Variants in TRPM3 observed in about 807,000 individuals in gnomAD.
The protein encoded by TRPM3 is long transient receptor potential channel 3.
In TRPM3, 77 loss-of-function variants were observed where a neutral mutation model predicts 181.2. That is an observed-to-expected ratio of 0.42 (90% confidence interval 0.35 to 0.51). The LOEUF (loss-of-function observed/expected upper bound fraction) is 0.51. Ranked by LOEUF, TRPM3 falls within the 20% of genes least tolerant of loss-of-function variation. The pLI is 0.01. For synonymous variants in TRPM3, 745 were observed against 796.4 expected, an observed-to-expected ratio of 0.94 and a Z score of 1.09; for missense variants, 1,759 against 2,196.7, an observed-to-expected ratio of 0.80 and a Z score of 3.98.
intron 1 of TRPM3, among the ~76,000 whole-genome samples, chr9:71,137,011 C>G (rs1334959681): frequency 6.6e-6 from 1 of 152,130 alleles, no homozygotes; most frequent in Non-Finnish European, 1.5e-5. Flanking sequence ...TAAAATGACT[C>G]TAGCATCTGT....
At chr9:70,578,919 G>T (rs1564409125) in intron 22 of TRPM3, among the ~76,000 whole-genome samples, 1 of 152,180 alleles carries the variant, frequency 6.6e-6, no homozygotes, top group Non-Finnish European at 1.5e-5. Context: ...CTAGATGTTA[G>T]TAGCGCCCCC....
chr9:71,391,392 G>GA (rs1554889496), intron 1 of TRPM3, among the ~76,000 whole-genome samples: 3 of 151,918 alleles, frequency 2.0e-5, no homozygotes, highest in Non-Finnish European at 1.5e-5. Context: ...TTCTTTCTAT[G>GA]AAAAAATCGC....
intron 8 of TRPM3, among the ~76,000 whole-genome samples, chr9:70,694,638 G>A (rs375816419): frequency 2.0e-5 from 3 of 152,086 alleles, no homozygotes; most frequent in Admixed American, 6.5e-5. Flanking sequence ...CCGCCACCAC[G>A]CCCGGCTAAT....
chr9:70,547,367 C>T (rs1364820500), intron 25 of TRPM3, among the ~76,000 whole-genome samples: 1 of 151,862 alleles, frequency 6.6e-6, no homozygotes, highest in Non-Finnish European at 1.5e-5. Context: ...GTGATTTCAC[C>T]TGCCACTCCA....
At chr9:70,983,182 C>T (rs2097381251) in intron 1 of TRPM3, among the ~76,000 whole-genome samples, 1 of 152,126 alleles carries the variant, frequency 6.6e-6, no homozygotes, top group South Asian at 2.1e-4. Context: ...CCTCTCTTCT[C>T]TTGATGTTCA....
At position 70,625,072 on chromosome 9, in the gene TRPM3, G is replaced by A. The variant is rs2064300601; in HGVS notation, c.1809+119C>T. The A allele has an allele frequency of 2.7e-6, 3 of 1,094,530 alleles. No individual in the cohort carries two copies. The highest frequency in any genetic ancestry group is 3.8e-6 in the Non-Finnish European group (3 of 783,090). 67.8% of individuals were successfully genotyped at this position (1,094,530 alleles called of 1,614,324 possible). On this transcript the variant is annotated intron_variant, in intron 14 of 25. Transcript: ENST00000677713. This position sits in a 1 kb window ranked among gnomAD's most constrained non-coding sequence, Gnocchi z 4.8. ...TTCATTACTTTTCTTTGATTGTTTA[G>A]GTTCACTCTCAGCGCAATTTTCTGA...
chr9:71,275,506 A>C (rs187828985), intron 1 of TRPM3, among the ~76,000 whole-genome samples: 189 of 152,114 alleles, frequency 1.2e-3, no homozygotes, highest in African/African-American at 4.2e-3. Flanking sequence ...GTGTGTGCAC[A>C]TGTATGTGTG....
intron 1 of TRPM3, among the ~76,000 whole-genome samples, chr9:71,173,264 A>T (rs10868967): frequency 0.4 from 61,437 of 151,898 alleles, 12,728 homozygotes; most frequent in East Asian, 0.52. Flanking sequence ...TACATTATAT[A>T]ATTATATATA....
At position 70,553,250 on chromosome 9, in the gene TRPM3, T is replaced by C. The variant is rs929984630; in HGVS notation, c.3284A>G (p.Lys1095Arg). ...GGCCGGCACGATCCAAGCTCCTGTCTTGCAGGGAGGCAGCTGGATTATTTT... is the reference window on the plus strand; with the variant it reads ...GGCCGGCACGATCCAAGCTCCTGTCCTGCAGGGAGGCAGCTGGATTATTTT... Reference protein sequence around the residue: ...DGKIIQLPPCKTGAWIVPAIM... With the variant: ...DGKIIQLPPCRTGAWIVPAIM... Residue 1095 changes from lysine (K) to arginine (R), a missense_variant, in exon 23 of 26, where the codon AAG becomes AGG. This residue lies in a region of TRPM3 where 94 missense variants were observed against 221.3 expected (regional missense o/e 0.42). Transcript: ENST00000677713. The C allele has an allele frequency of 1.9e-6, 3 of 1,614,162 alleles. No individual in the cohort carries two copies. In the East Asian group the frequency reaches 6.7e-5, roughly 36 times the overall value.
chr9:71,349,399 G>T (rs186161551), intron 1 of TRPM3, among the ~76,000 whole-genome samples: 1 of 152,282 alleles, frequency 6.6e-6, no homozygotes, highest in African/African-American at 2.4e-5. Flanking sequence ...TACATTTTTA[G>T]AGGCTTCATC....
At position 70,808,965 on chromosome 9, in the gene TRPM3, A is replaced by G. The variant is rs74914668; in HGVS notation, c.973+18882T>C. ...CCACAAATACAATGGTGGTCCCATA[A>G]GGTAGTAATAGAGCTGAAAAAGTCC... On this transcript the variant is annotated intron_variant, in intron 6 of 25. Coordinates refer to ENST00000677713, the MANE Select transcript of TRPM3 (RefSeq NM_001366145.2). Among the ~76,000 whole-genome samples, 1,063 of 152,318 alleles carry G rather than the reference A, an allele frequency of 7.0e-3. 14 individuals carry two copies. The highest frequency in any genetic ancestry group is 0.023 in the African/African-American group (972 of 41,584).
At chr9:71,294,680 G>A (rs181369938) in intron 1 of TRPM3, among the ~76,000 whole-genome samples, 1 of 152,146 alleles carries the variant, frequency 6.6e-6, no homozygotes, top group East Asian at 1.9e-4. Context: ...GGAGACATGA[G>A]AAAATGTCCA....
At chr9:71,001,905 A>T (rs2097607154) in intron 1 of TRPM3, among the ~76,000 whole-genome samples, 1 of 152,234 alleles carries the variant, frequency 6.6e-6, no homozygotes, top group South Asian at 2.1e-4. Context: ...AGTTTTATAT[A>T]ACCCAAGGAA....
At chr9:71,086,231 AAACT>A in intron 1 of TRPM3, among the ~76,000 whole-genome samples, 1 of 152,070 alleles carries the variant, frequency 6.6e-6, no homozygotes, top group South Asian at 2.1e-4. Flanking sequence ...AAGGTTTGAA[AAACT>A]AACTATTGGG....
chr9:70,824,051 T>G (rs1320356584), intron 6 of TRPM3, among the ~76,000 whole-genome samples: 5 of 152,184 alleles, frequency 3.3e-5, no homozygotes. Flanking sequence ...ATCATTGCCA[T>G]GTTGATGAAA....
chr9:71,366,486 G>A (rs1226631659), intron 1 of TRPM3, among the ~76,000 whole-genome samples: 1 of 152,130 alleles, frequency 6.6e-6, no homozygotes. Flanking sequence ...ATGAGGGTAG[G>A]AGAGAGAGGA....
intron 1 of TRPM3, among the ~76,000 whole-genome samples, chr9:71,151,855 T>C (rs977321238): frequency 3.3e-5 from 5 of 152,108 alleles, no homozygotes; most frequent in African/African-American, 9.7e-5. Context: ...AGTGAATATT[T>C]TGTGTTTTTA....
chr9:70,903,949 TA>T (rs543867333), intron 1 of TRPM3, among the ~76,000 whole-genome samples: 5,375 of 145,870 alleles, frequency 0.037, 115 homozygotes, highest in Middle Eastern at 0.056. Flanking sequence ...TTTTTTAAAA[TA>T]AAAAAAAAAA....
chr9:70,645,892 AC>A (rs1482888568), intron 9 of TRPM3, among the ~76,000 whole-genome samples: 3 of 152,344 alleles, frequency 2.0e-5, no homozygotes, highest in Middle Eastern at 3.4e-3. Context: ...CAAGAAAAAA[AC>A]AACCTGATCA....
Sources: allele counts gnomAD v4.1 joint callset (sites outside exome capture counted in the v4.1 genomes callset), GRCh38; gene constraint gnomAD v4.1.1; regional missense constraint gnomAD v4.1.1; non-coding constraint Gnocchi (gnomAD v3.1); transcripts MANE v1.5; gene names NCBI Gene and HGNC (gene_info 2026-07-23, HGNC 2026-07-21).